Variants in KCNA6 observed in about 807,000 individuals in gnomAD.
The protein encoded by KCNA6 is human brain potassium channel-2.
In KCNA6, 17 loss-of-function variants were observed where a neutral mutation model predicts 29.5. The ratio of observed to expected loss-of-function variants is 0.58; its 90% CI spans 0.39 to 0.86. The LOEUF (loss-of-function observed/expected upper bound fraction) is 0.86, where lower values mean the gene tolerates loss of function less well. Among genes scored for constraint, KCNA6 ranks in the 40% least tolerant of loss-of-function variants. KCNA6 has a pLI of 0.00. For missense variants in KCNA6, 450 were observed against 703.4 expected (o/e 0.64, Z 4.07); for synonymous variants, 296 against 304.7 (o/e 0.97, Z 0.30).
the KCNA6 span, among the ~76,000 whole-genome samples, chr12:4,845,933 T>G: frequency 5.3e-5 from 8 of 151,934 alleles, no homozygotes; most frequent in African/African-American, 1.9e-4. Context: ...CAGTACAGGT[T>G]GCGGATCCTT....
the KCNA6 span, among the ~76,000 whole-genome samples, chr12:4,826,215 G>A: frequency 6.6e-6 from 1 of 152,136 alleles, no homozygotes; most frequent in Non-Finnish European, 1.5e-5. Context: ...TTTTCTTCTA[G>A]GTGTTTTTTG....
chr12:4,834,172 C>A, the KCNA6 span, among the ~76,000 whole-genome samples: 2 of 152,016 alleles, frequency 1.3e-5, no homozygotes, highest in Non-Finnish European at 2.9e-5. Flanking sequence ...TGGGCTCAAG[C>A]AGTCCTCCCA....
chr12:4,843,172 T>A, the KCNA6 span, among the ~76,000 whole-genome samples: 16 of 138,744 alleles, frequency 1.2e-4, no homozygotes, highest in African/African-American at 4.2e-4. Context: ...ATCATGTTTT[T>A]AAAAATTCTT....
chr12:4,850,299 AG>A, the KCNA6 span, among the ~76,000 whole-genome samples: 86,301 of 151,660 alleles, frequency 0.57, 24,929 homozygotes, highest in Admixed American at 0.64. The surrounding 1 kb of genome is among the most constrained non-coding windows in gnomAD (Gnocchi z 5.4). Flanking sequence ...AGGGTCCGAG[AG>A]GGGGACCCCT....
chr12:4,825,718 A>T, the KCNA6 span, among the ~76,000 whole-genome samples: 1 of 152,218 alleles, frequency 6.6e-6, no homozygotes, highest in African/African-American at 2.4e-5. Context: ...TATAGTCCTT[A>T]TAAGTCTTCT....
chr12:4,841,289 T>C, the KCNA6 span, among the ~76,000 whole-genome samples: 1 of 152,206 alleles, frequency 6.6e-6, no homozygotes, highest in African/African-American at 2.4e-5. Flanking sequence ...ATGCTGTATG[T>C]ATAATAATTT....
At chr12:4,834,421 T>A in the KCNA6 span, among the ~76,000 whole-genome samples, 60 of 152,284 alleles carry the variant, frequency 3.9e-4, no homozygotes, top group Non-Finnish European at 7.6e-4. Flanking sequence ...CTATAATGTG[T>A]GAGGCACTAG....
the KCNA6 span, among the ~76,000 whole-genome samples, chr12:4,833,660 T>C: frequency 2.0e-5 from 3 of 152,224 alleles, no homozygotes; most frequent in Non-Finnish European, 4.4e-5. Context: ...TTTTGCCTCA[T>C]GCTCACAGAT....
chr12:4,848,708 A>C, the KCNA6 span, among the ~76,000 whole-genome samples: 10 of 151,850 alleles, frequency 6.6e-5, no homozygotes, highest in Admixed American at 5.2e-4. Context: ...CTAATTTTGT[A>C]TTTTTAGTAG....
At chr12:4,828,158 A>G in the KCNA6 span, among the ~76,000 whole-genome samples, 1 of 151,384 alleles carries the variant, frequency 6.6e-6, no homozygotes, top group South Asian at 2.1e-4. Context: ...ACTCGGTTGT[A>G]TTTCTCCCCC....
Position 4,810,839 on chromosome 12 carries a change from GGA to G in KCNA6, c.801_802del (p.Glu267AspfsTer10). On this transcript the variant is annotated frameshift_variant, in exon 1 of 1. Transcript: ENST00000280684. LOFTEE classifies it high-confidence loss of function. This position sits in a 1 kb window ranked among gnomAD's most constrained non-coding sequence, Gnocchi z 7.5. ...TCTTTACAGACCCCTTCTTTCTGGT[GGA>G]GACGCTGTGCATTGTCTGGTTCACT... 6.2e-7 allele frequency: 1 copy of G among 1,602,082 alleles called. No homozygotes were observed. Among genetic ancestry groups the G allele is most frequent in the Non-Finnish European group, 8.5e-7 (1 of 1,174,082 alleles).
At chr12:4,837,772 C>A in the KCNA6 span, among the ~76,000 whole-genome samples, 1 of 151,870 alleles carries the variant, frequency 6.6e-6, no homozygotes, top group South Asian at 2.1e-4. Flanking sequence ...CCCTTTATTG[C>A]CTGTGTGGGT....
Position 4,810,188 on chromosome 12 carries a change from G to A in KCNA6, c.147G>A (p.Gly49=). The change falls in exon 1 of 1, where the codon GGG becomes GGA. Residue 49 remains glycine, a synonymous_variant. Coordinates refer to ENST00000280684, the Ensembl canonical transcript of KCNA6. This position sits in a 1 kb window ranked among gnomAD's most constrained non-coding sequence, Gnocchi z 7.5. ...AGCGGCTGGTGATCAATATCTCCGG[G>A]CTGCGCTTTGAGACACAATTGCGCA... 6.2e-7 allele frequency: 1 copy of A among 1,612,884 alleles called. No individual in the cohort carries two copies. Among genetic ancestry groups the A allele is most frequent in the Non-Finnish European group, 8.5e-7 (1 of 1,179,776 alleles).
At chr12:4,836,139 G>A in the KCNA6 span, among the ~76,000 whole-genome samples, 5 of 148,738 alleles carry the variant, frequency 3.4e-5, no homozygotes, top group East Asian at 2.0e-4. Flanking sequence ...TAGTAGAGAC[G>A]GGCTTTCACC....
the KCNA6 span, among the ~76,000 whole-genome samples, chr12:4,840,789 G>C: frequency 2.6e-5 from 4 of 152,222 alleles, no homozygotes; most frequent in African/African-American, 9.7e-5. Context: ...TTAGGGATGT[G>C]TCCCCCAATA....
chr12:4,816,234 A>C (rs941712716), downstream of KCNA6, among the ~76,000 whole-genome samples: 1 of 148,998 alleles, frequency 6.7e-6, no homozygotes, highest in Non-Finnish European at 1.5e-5. Flanking sequence ...CTATTCATGC[A>C]CAATACCACG....
the KCNA6 span, among the ~76,000 whole-genome samples, chr12:4,831,342 T>A: frequency 6.6e-6 from 1 of 151,984 alleles, no homozygotes; most frequent in African/African-American, 2.4e-5. Context: ...TCACAATAAC[T>A]CGTTATCACC....
At chr12:4,814,560 T>G (rs1407387310), downstream of KCNA6, 1 of 167,124 alleles carries the variant, frequency 6.0e-6, no homozygotes, top group Non-Finnish European at 1.5e-5. The surrounding 1 kb of genome is among the most constrained non-coding windows in gnomAD (Gnocchi z 4.6). Flanking sequence ...ACCCTGAGCC[T>G]CTTTATTTGG....
At position 4,811,886 on chromosome 12, in the gene KCNA6, A is replaced by G. The variant is rs1301088576; in HGVS notation, c.*255A>G. ...CCCAATCATGCCCAGCTTCTGTCAT[A>G]TGAATGAGATATACATTTATGTCTG... On this transcript the variant is annotated 3_prime_UTR_variant, in exon 1 of 1. Coordinates refer to ENST00000280684, the Ensembl canonical transcript of KCNA6. The surrounding 1 kb of genome is among the most constrained non-coding windows in gnomAD (Gnocchi z 7.1). The G allele has an allele frequency of 2.0e-6, 1 of 512,256 alleles. No homozygotes were observed. The highest frequency in any genetic ancestry group is 3.6e-6 in the Non-Finnish European group (1 of 279,844). The allele number at this position is 512,256 out of a possible 1,614,324, so 31.7% of individuals were successfully genotyped here.
Sources: gnomAD v4.1 joint callset for allele counts (sites outside exome capture counted in the v4.1 genomes callset) on GRCh38, gnomAD v4.1.1 for gene constraint, Gnocchi (gnomAD v3.1) non-coding constraint, MANE v1.5 for transcripts, NCBI Gene and HGNC (gene_info 2026-07-23, HGNC 2026-07-21) for gene names.